Variants in RNF180 observed in about 807,000 individuals in gnomAD.
The protein encoded by RNF180 is E3 ubiquitin-protein ligase RNF180.
RNF180 carries 38 observed loss-of-function variants against 59.2 expected under a neutral mutation model. The observed-to-expected ratio is 0.64, with a 90% CI of 0.50 to 0.84. RNF180 has a LOEUF of 0.84. RNF180 is among the 40% of genes least tolerant of loss of function. The pLI is 0.00. For missense variants in RNF180, 705 were observed against 700.9 expected, an observed-to-expected ratio of 1.01 and a Z score of -0.07; for synonymous variants, 262 against 240.3, an observed-to-expected ratio of 1.09 and a Z score of -0.84.
chr5:64,278,038 G>A (rs1741820962), intron 5 of RNF180, among the ~76,000 whole-genome samples: 1 of 152,082 alleles, frequency 6.6e-6, no homozygotes, highest in South Asian at 2.1e-4. Flanking sequence ...ATATTTCATT[G>A]TTTCATTGTT....
At chr5:64,271,434 G>A (rs1441985912) in intron 5 of RNF180, among the ~76,000 whole-genome samples, 1 of 151,938 alleles carries the variant, frequency 6.6e-6, no homozygotes, top group Non-Finnish European at 1.5e-5. Context: ...TTCAATAATG[G>A]ACCACATATA....
chr5:64,252,158 A>G (rs550099670), intron 5 of RNF180, among the ~76,000 whole-genome samples: 9 of 152,338 alleles, frequency 5.9e-5, no homozygotes, highest in African/African-American at 2.2e-4. Context: ...CCAAAACCAC[A>G]TAGTACTAGC....
At position 64,193,258 on chromosome 5, in the gene RNF180, T is replaced by C. The variant is rs567100586; in HGVS notation, c.1-7550T>C. Among the ~76,000 whole-genome samples the C allele has an allele frequency of 9.2e-5, 14 of 152,208 alleles. No homozygotes were observed. In the East Asian group the frequency reaches 2.7e-3, roughly 29 times the overall value. ...GTACAGTATTATGCACTTTAAAATA[T>C]GTTAAGAGGATAGATTTCATTTTAA... On this transcript the variant is annotated intron_variant, in intron 1 of 7. Transcript: ENST00000389100.
At chr5:64,200,061 A>G (rs1033063231) in intron 1 of RNF180, among the ~76,000 whole-genome samples, 2 of 152,194 alleles carry the variant, frequency 1.3e-5, no homozygotes, top group African/African-American at 4.8e-5. Flanking sequence ...AGTAAATCCT[A>G]TTTTTAAAAT....
intron 7 of RNF180, among the ~76,000 whole-genome samples, chr5:64,352,254 T>A (rs1249577277): frequency 6.6e-6 from 1 of 152,110 alleles, no homozygotes; most frequent in East Asian, 1.9e-4. Flanking sequence ...TGATATCCCC[T>A]TTATCATTTT....
intron 5 of RNF180, among the ~76,000 whole-genome samples, chr5:64,244,640 A>T (rs1448167513): frequency 6.6e-6 from 1 of 152,228 alleles, no homozygotes; most frequent in Non-Finnish European, 1.5e-5. Flanking sequence ...GACGGGGAGA[A>T]TGGAACCAAG....
intron 5 of RNF180, among the ~76,000 whole-genome samples, chr5:64,303,037 T>C (rs1743239357): frequency 6.6e-6 from 1 of 151,710 alleles, no homozygotes; most frequent in Non-Finnish European, 1.5e-5. Flanking sequence ...TTGTCACATT[T>C]TGGCAATTGT....
chr5:64,303,341 T>C (rs913937957), intron 5 of RNF180, among the ~76,000 whole-genome samples: 5 of 151,632 alleles, frequency 3.3e-5, no homozygotes, highest in Non-Finnish European at 5.9e-5. Flanking sequence ...TATGTCTCAC[T>C]TTACAACAAA....
intron 5 of RNF180, among the ~76,000 whole-genome samples, chr5:64,299,292 G>C (rs917060387): frequency 1.3e-5 from 2 of 151,830 alleles, no homozygotes; most frequent in Non-Finnish European, 2.9e-5. Flanking sequence ...AGTCTGAGTA[G>C]ATTAATTTTT....
At chr5:64,213,526 G>C in intron 3 of RNF180, 32 bp from the exon 4 acceptor site, 1 of 1,552,204 alleles carries the variant, frequency 6.4e-7, no homozygotes, top group East Asian at 2.3e-5. Context: ...TATAATGAAA[G>C]CACTGTCTTT....
chr5:64,246,074 A>G (rs1270086697), intron 5 of RNF180, among the ~76,000 whole-genome samples: 1 of 152,208 alleles, frequency 6.6e-6, no homozygotes, highest in African/African-American at 2.4e-5. Context: ...GAGAAAAAAG[A>G]CACAATGTCA....
intron 5 of RNF180, among the ~76,000 whole-genome samples, chr5:64,297,368 C>T (rs1229912794): frequency 1.3e-5 from 2 of 151,958 alleles, no homozygotes; most frequent in Non-Finnish European, 2.9e-5. Context: ...TCTCTATAAA[C>T]CGATTATTTT....
intron 7 of RNF180, among the ~76,000 whole-genome samples, chr5:64,350,464 T>C (rs1745754101): frequency 6.6e-6 from 1 of 152,202 alleles, no homozygotes; most frequent in African/African-American, 2.4e-5. Flanking sequence ...TTTGGTGTTT[T>C]AGACATGAAG....
At chr5:64,328,537 A>G (rs1223987607) in intron 6 of RNF180, among the ~76,000 whole-genome samples, 2 of 152,218 alleles carry the variant, frequency 1.3e-5, no homozygotes, top group East Asian at 3.8e-4. Flanking sequence ...TAGTCATATC[A>G]ACTCTCTAGC....
intron 5 of RNF180, among the ~76,000 whole-genome samples, chr5:64,293,646 A>T (rs1742725991): frequency 6.6e-6 from 1 of 151,866 alleles, no homozygotes; most frequent in Non-Finnish European, 1.5e-5. Flanking sequence ...ATTTTAAATT[A>T]AAAATATATA....
chr5:64,193,387 A>G (rs1751282362), intron 1 of RNF180, among the ~76,000 whole-genome samples: 1 of 152,190 alleles, frequency 6.6e-6, no homozygotes, highest in Admixed American at 6.5e-5. Flanking sequence ...GGGCATATAC[A>G]TATGTCCAAA....
intron 5 of RNF180, among the ~76,000 whole-genome samples, chr5:64,265,193 G>A (rs530346500): frequency 1.1e-3 from 162 of 152,268 alleles, no homozygotes; most frequent in African/African-American, 3.9e-3. Context: ...TCACTCTGAT[G>A]ATAGTTTCCT....
In RNF180 at chr5:64,330,457, T is replaced by G. The variant is rs1744852130; in HGVS notation, c.1579+51T>G. ...AAGTCTGGTAATTTTGTCTAAGGTC[T>G]GTTCTTAAAAGTAACTTCCTGCTGT... is the stretch of plus-strand genomic sequence containing the variant. On this transcript the variant is annotated intron_variant, in intron 7 of 7. Coordinates refer to ENST00000389100, the MANE Select transcript of RNF180 (RefSeq NM_001113561.2). 2.7e-6 allele frequency: 4 copies of G among 1,493,078 alleles called. No homozygotes were observed. The Admixed American group carries it at 8.0e-5, about 30-fold the overall frequency. 92.5% of individuals were successfully genotyped at this position (1,493,078 alleles called of 1,614,324 possible).
chr5:64,200,009 A>G (rs778085623), intron 1 of RNF180, among the ~76,000 whole-genome samples: 13 of 152,206 alleles, frequency 8.5e-5, no homozygotes, highest in South Asian at 4.1e-4. Context: ...TTTGCCATCA[A>G]TTTAAGGTAG....
Sources: allele counts gnomAD v4.1 joint callset (sites outside exome capture counted in the v4.1 genomes callset), GRCh38; gene constraint gnomAD v4.1.1; transcripts MANE v1.5; gene names NCBI Gene and HGNC (gene_info 2026-07-23, HGNC 2026-07-21).